Variants in GEMIN2 observed in about 807,000 individuals in gnomAD.
GEMIN2 encodes the protein gem nuclear organelle associated protein 2, also known as gem-associated protein 2.
Under a neutral mutation model 45.8 loss-of-function variants are expected in GEMIN2, and 37 were observed. That is an observed-to-expected ratio of 0.81 (90% CI 0.62 to 1.06). The LOEUF (loss-of-function observed/expected upper bound fraction) is 1.06, where lower values mean the gene tolerates loss of function less well. Among genes scored for constraint, GEMIN2 ranks in the 50% least tolerant of loss-of-function variants. GEMIN2 has a pLI of 0.00. For missense variants in GEMIN2, 335 were observed against 321.8 expected, an observed-to-expected ratio of 1.04 and a Z score of -0.31; for synonymous variants, 101 against 111.5, an observed-to-expected ratio of 0.91 and a Z score of 0.60.
At chr14:39,123,603 G>T (rs17108834) in intron 5 of GEMIN2, among the ~76,000 whole-genome samples, 1 of 145,252 alleles carries the variant, frequency 6.9e-6, no homozygotes, top group African/African-American at 2.6e-5. Context: ...TCAAATCTTA[G>T]GGAAGTTAAT....
chr14:39,135,578 C>A (rs564535975), intron 9 of GEMIN2, among the ~76,000 whole-genome samples: 9 of 150,174 alleles, frequency 6.0e-5, no homozygotes, highest in African/African-American at 2.0e-4. Context: ...AAGAACGAAA[C>A]TCCATCTCAA....
intron 2 of GEMIN2, 102 bp downstream of exon 2, chr14:39,115,015 G>T (rs2052483398): frequency 5.9e-6 from 4 of 680,194 alleles, no homozygotes; most frequent in African/African-American, 1.8e-5. Flanking sequence ...CGTAAGATTT[G>T]ACTACTCCGT....
At chr14:39,135,299 A>G (rs900939304) in intron 9 of GEMIN2, among the ~76,000 whole-genome samples, 4 of 152,194 alleles carry the variant, frequency 2.6e-5, no homozygotes, top group African/African-American at 9.7e-5. Context: ...GTTTAGGAAA[A>G]AAAGGACCGG....
rs762867909 is a variant in GEMIN2 at position 39,118,030 on chromosome 14, A to C, written c.254A>C (p.Tyr85Ser). ...GGATGCCAACCCGCCCCTGAAGGTT[A>C]TTCCCCAACACTTCAATGGCAACAG... Reference protein sequence around the residue: ...LSGCQPAPEGYSPTLQWQQQQ... With the variant: ...LSGCQPAPEGSSPTLQWQQQQ... The change falls in exon 3 of 10, where the codon TAT (tyrosine) becomes TCT (serine). Residue 85 changes from tyrosine (Y) to serine (S), a missense_variant. Transcript: ENST00000308317. 2 of 1,607,480 alleles carry C rather than the reference A, an allele frequency of 1.2e-6. No homozygotes were observed. Among genetic ancestry groups the C allele is most frequent in the Admixed American group, 3.4e-5 (2 of 59,384 alleles).
chr14:39,118,188 A>G (rs966447647), intron 3 of GEMIN2, 100 bp downstream of exon 3: 1 of 527,478 alleles, frequency 1.9e-6, no homozygotes, highest in South Asian at 3.3e-5. Flanking sequence ...AGTATACAGA[A>G]TATTCATGAA....
chr14:39,119,036 C>T (rs183957272), intron 4 of GEMIN2, among the ~76,000 whole-genome samples: 516 of 152,134 alleles, frequency 3.4e-3, no homozygotes, highest in Non-Finnish European at 5.4e-3. Context: ...CTAGCCTCCC[C>T]GAGTGCTGGA....
chr14:39,131,235 T>G (rs2052711369), intron 7 of GEMIN2, among the ~76,000 whole-genome samples: 1 of 152,060 alleles, frequency 6.6e-6, no homozygotes, highest in Admixed American at 6.6e-5. Context: ...AGGCAGAGGT[T>G]GCAGTGAGCC....
intron 2 of GEMIN2, among the ~76,000 whole-genome samples, chr14:39,115,843 G>A (rs1034197187): frequency 6.6e-6 from 1 of 151,986 alleles, no homozygotes; most frequent in Non-Finnish European, 1.5e-5. Flanking sequence ...AGGTTGTGCC[G>A]GGCATTGGGA....
chr14:39,118,799 T>TTTC (rs1372854268), intron 4 of GEMIN2, among the ~76,000 whole-genome samples, 200 bp downstream of exon 4: 1 of 151,540 alleles, frequency 6.6e-6, no homozygotes, highest in Non-Finnish European at 1.5e-5. Context: ...TTTTTTTTTT[T>TTTC]TGAGACAGGG....
intron 8 of GEMIN2, among the ~76,000 whole-genome samples, chr14:39,133,324 T>TAC (rs957539278): frequency 1.3e-5 from 2 of 148,274 alleles, no homozygotes; most frequent in African/African-American, 4.9e-5. Context: ...TATGAATATA[T>TAC]ATATATATAT....
At chr14:39,133,275 AATAC>A (rs1433680348) in intron 8 of GEMIN2, among the ~76,000 whole-genome samples, 1 of 139,602 alleles carries the variant, frequency 7.2e-6, no homozygotes, top group Non-Finnish European at 1.5e-5. Flanking sequence ...ATTATATATG[AATAC>A]ATATTCACTA....
At chr14:39,127,920 T>A (rs2052664205) in intron 6 of GEMIN2, among the ~76,000 whole-genome samples, 1 of 151,766 alleles carries the variant, frequency 6.6e-6, no homozygotes, top group Non-Finnish European at 1.5e-5. Context: ...ATACAAAAAT[T>A]AGCCGGACGT....
At chr14:39,118,808 G>C (rs944817501) in intron 4 of GEMIN2, among the ~76,000 whole-genome samples, 4 of 148,106 alleles carry the variant, frequency 2.7e-5, no homozygotes, top group Admixed American at 2.7e-4. Flanking sequence ...TTTGAGACAG[G>C]GTCTTGCTCT....
intron 8 of GEMIN2, 108 bp downstream of exon 8, chr14:39,132,176 A>G: frequency 1.5e-6 from 1 of 681,302 alleles, no homozygotes; most frequent in East Asian, 2.5e-5. Context: ...TATTGGTGGC[A>G]ATTAGATTTG....
At chr14:39,124,946 G>A (rs567241421) in intron 5 of GEMIN2, 46 bp from the exon 6 acceptor site, 2 of 950,404 alleles carry the variant, frequency 2.1e-6, no homozygotes, top group South Asian at 2.8e-5. Context: ...AAAAAATGAA[G>A]CTTATAATAC....
In GEMIN2 at chr14:39,128,336, T is replaced by C. The variant is rs1566535281; in HGVS notation, c.588T>C (p.Phe196=). The C allele has an allele frequency of 6.4e-7, 1 of 1,561,006 alleles. No homozygotes were observed. Among genetic ancestry groups the C allele is most frequent in the South Asian group, 1.1e-5 (1 of 88,348 alleles). ...YLSNWFGERD[F]TPELGRWLYA... Reference sequence around the variant, plus strand: ...GTAATTGGTTTGGAGAAAGAGACTTTACTCCAGAATTGGTAGTATTGCATG... The same window carrying C: ...GTAATTGGTTTGGAGAAAGAGACTTCACTCCAGAATTGGTAGTATTGCATG... Residue 196 remains phenylalanine, a synonymous_variant, in exon 7 of 10, where the codon TTT becomes TTC. Coordinates refer to ENST00000308317, the MANE Select transcript of GEMIN2 (RefSeq NM_003616.3).
chr14:39,133,801 T>C (rs542515377), intron 9 of GEMIN2, 82 bp downstream of exon 9: 39 of 825,048 alleles, frequency 4.7e-5, no homozygotes, highest in Middle Eastern at 4.8e-4. Context: ...TGGTTTTTGT[T>C]TGGTTGGTTT....
intron 2 of GEMIN2, among the ~76,000 whole-genome samples, chr14:39,116,045 C>T (rs1000078149): frequency 5.3e-5 from 8 of 151,744 alleles, no homozygotes; most frequent in Non-Finnish European, 1.0e-4. Flanking sequence ...CTCTCTTTTT[C>T]CCCCTTTTTT....
At chr14:39,129,510 T>G (rs912948810) in intron 7 of GEMIN2, among the ~76,000 whole-genome samples, 17 of 152,096 alleles carry the variant, frequency 1.1e-4, no homozygotes, top group Admixed American at 1.3e-4. Flanking sequence ...ACCTCCTGGT[T>G]TCAAGTGATT....
Sources: gnomAD v4.1 joint callset for allele counts (sites outside exome capture counted in the v4.1 genomes callset) on GRCh38, gnomAD v4.1.1 for gene constraint, MANE v1.5 for transcripts, NCBI Gene and HGNC (gene_info 2026-07-23, HGNC 2026-07-21) for gene names.